ADCY2: variants seen among roughly 807,000 people sequenced by gnomAD.
ADCY2 encodes the protein adenylate cyclase 2.
ADCY2 carries 31 observed loss-of-function variants against 125.2 expected under a neutral mutation model. That is an observed-to-expected ratio of 0.25 (90% CI 0.19 to 0.33). ADCY2 has a LOEUF of 0.33. Among genes scored for constraint, ADCY2 ranks in the 10% least tolerant of loss-of-function variants. ADCY2 has a pLI of 1.00. For synonymous variants in ADCY2, 512 were observed against 548.4 expected (o/e 0.93, Z 0.93); for missense variants, 904 against 1,418.2 (o/e 0.64, Z 5.82).
intron 3 of ADCY2, among the ~76,000 whole-genome samples, chr5:7,531,243 G>A (rs1734630325): frequency 6.6e-6 from 1 of 152,144 alleles, no homozygotes; most frequent in South Asian, 2.1e-4. Flanking sequence ...GTTTCTTAGA[G>A]AAGCCCACTT....
intron 2 of ADCY2, among the ~76,000 whole-genome samples, chr5:7,415,800 G>A (rs1171362553): frequency 1.3e-5 from 2 of 152,148 alleles, no homozygotes; most frequent in African/African-American, 4.8e-5. Context: ...TCATCTGACA[G>A]CGTGATAAAT....
At chr5:7,790,894 A>G (rs1013325590) in intron 20 of ADCY2, among the ~76,000 whole-genome samples, 1 of 152,136 alleles carries the variant, frequency 6.6e-6, no homozygotes, top group Non-Finnish European at 1.5e-5. Context: ...TCCATATGAA[A>G]AGAGAGGAGT....
intron 11 of ADCY2, among the ~76,000 whole-genome samples, chr5:7,715,865 G>A (rs1741577867): frequency 6.6e-6 from 1 of 152,222 alleles, no homozygotes; most frequent in South Asian, 2.1e-4. Flanking sequence ...ATATGTAGAG[G>A]CAATTCTGAA....
At chr5:7,699,414 ACTGT>A (rs1283026707) in intron 7 of ADCY2, among the ~76,000 whole-genome samples, 2 of 151,708 alleles carry the variant, frequency 1.3e-5, no homozygotes, top group Non-Finnish European at 2.9e-5. Flanking sequence ...ATTTTTTTTA[ACTGT>A]CTAACAATTT....
intron 3 of ADCY2, among the ~76,000 whole-genome samples, chr5:7,587,400 G>A (rs1379602419): frequency 6.6e-6 from 1 of 152,190 alleles, no homozygotes; most frequent in African/African-American, 2.4e-5. Flanking sequence ...ATGACGCATA[G>A]CGTTTTCTTT....
At chr5:7,662,137 A>G (rs541951765) in intron 4 of ADCY2, among the ~76,000 whole-genome samples, 2 of 152,242 alleles carry the variant, frequency 1.3e-5, no homozygotes, top group Admixed American at 1.3e-4. Flanking sequence ...AAGGGATAAC[A>G]TAAAAGTTAT....
At chr5:7,575,483 C>T (rs1736218324) in intron 3 of ADCY2, among the ~76,000 whole-genome samples, 1 of 152,024 alleles carries the variant, frequency 6.6e-6, no homozygotes, top group Non-Finnish European at 1.5e-5. Context: ...CATTTGCCAG[C>T]AGTTTATTCA....
chr5:7,550,700 A>G (rs1735301002), intron 3 of ADCY2, among the ~76,000 whole-genome samples: 1 of 151,730 alleles, frequency 6.6e-6, no homozygotes. Flanking sequence ...CCTGCATTAC[A>G]CCTTGGTGGG....
chr5:7,658,399 T>TTGTG (rs369870574), intron 4 of ADCY2, among the ~76,000 whole-genome samples: 2,846 of 130,928 alleles, frequency 0.022, 80 homozygotes, highest in African/African-American at 0.058. Flanking sequence ...GTGAAGAGAA[T>TTGTG]TGTGTGTGTG....
chr5:7,405,187 T>TA (rs1739429019), intron 1 of ADCY2, among the ~76,000 whole-genome samples: 1 of 152,072 alleles, frequency 6.6e-6, no homozygotes, highest in Non-Finnish European at 1.5e-5. Flanking sequence ...GTGTGGAAAA[T>TA]ACCATCTGCT....
chr5:7,557,135 T>TATATATATATATATATA (rs1554019445), intron 3 of ADCY2, among the ~76,000 whole-genome samples: 1 of 77,466 alleles, frequency 1.3e-5, no homozygotes. Flanking sequence ...CAAAAACAGT[T>TATATATATATATATATA]TATATATATA....
At chr5:7,691,057 G>T (rs768286395) in intron 5 of ADCY2, 9 of 422,854 alleles carry the variant, frequency 2.1e-5, no homozygotes, top group Non-Finnish European at 3.1e-5. Context: ...TGCTGTGTTG[G>T]ATTGAGTTGT....
At chr5:7,553,445 G>A (rs559306900) in intron 3 of ADCY2, among the ~76,000 whole-genome samples, 2 of 152,332 alleles carry the variant, frequency 1.3e-5, no homozygotes. Context: ...GACTCAACTT[G>A]TGTTAGGAAA....
intron 4 of ADCY2, among the ~76,000 whole-genome samples, chr5:7,639,538 G>A (rs905673953): frequency 2.6e-5 from 4 of 152,098 alleles, no homozygotes; most frequent in Admixed American, 6.5e-5. Flanking sequence ...ACTCCTGATC[G>A]TTTTTAGCAA....
chr5:7,540,206 G>A (rs1355515918), intron 3 of ADCY2, among the ~76,000 whole-genome samples: 1 of 151,682 alleles, frequency 6.6e-6, no homozygotes, highest in Non-Finnish European at 1.5e-5. Flanking sequence ...GGAAGGAGAG[G>A]ATCAGGAAAA....
chr5:7,719,136 A>G (rs1280341768), intron 12 of ADCY2, among the ~76,000 whole-genome samples: 1 of 152,188 alleles, frequency 6.6e-6, no homozygotes, highest in African/African-American at 2.4e-5. Flanking sequence ...AGAGAGTGCC[A>G]CCATTGTCAT....
rs562200362 is a variant in ADCY2, at chr5:7,811,433, G to A, written c.2884-5433G>A. Among the ~76,000 whole-genome samples the A allele has an allele frequency of 2.6e-3, 397 of 151,730 alleles. 1 individual carries two copies. The highest frequency in any genetic ancestry group is 8.7e-3 in the African/African-American group (358 of 41,314). On this transcript the variant is annotated intron_variant, in intron 22 of 24. Transcript: ENST00000338316. The stretch of plus-strand genomic sequence containing the variant: ...GGAGAATAGTGTGAACCCGGGAGGC[G>A]GAGCTTGCAGTAAGTCGAGATTCCG...
At chr5:7,673,758 G>GA (rs1740020417) in intron 4 of ADCY2, among the ~76,000 whole-genome samples, 2 of 152,180 alleles carry the variant, frequency 1.3e-5, no homozygotes, top group Non-Finnish European at 1.5e-5. Flanking sequence ...GGGAAGCTGA[G>GA]ACCCTGACAA....
intron 2 of ADCY2, among the ~76,000 whole-genome samples, chr5:7,420,836 T>C (rs1439990656): frequency 1.3e-5 from 2 of 152,332 alleles, no homozygotes; most frequent in East Asian, 3.9e-4. Context: ...TCCCCATTGA[T>C]AGAGCTGTTA....
Sources: allele counts gnomAD v4.1 joint callset (sites outside exome capture counted in the v4.1 genomes callset), GRCh38; gene constraint gnomAD v4.1.1; transcripts MANE v1.5; gene names NCBI Gene and HGNC (gene_info 2026-07-23, HGNC 2026-07-21).